ARHGAP15: variants seen among roughly 807,000 people sequenced by gnomAD.
ARHGAP15 encodes the protein Rho GTPase activating protein 15.
Under a neutral mutation model 63.7 loss-of-function variants are expected in ARHGAP15, and 51 were observed. The observed-to-expected ratio is 0.80, with a 90% CI of 0.64 to 1.01. ARHGAP15 has a LOEUF of 1.01. Ranked by LOEUF, ARHGAP15 falls within the 50% of genes least tolerant of loss-of-function variation. The probability of loss-of-function intolerance (pLI) is 0.00; values close to 1 mark genes in which losing one functional copy is unlikely to be tolerated. For synonymous variants in ARHGAP15, 191 were observed against 193.8 expected (o/e 0.99, Z 0.12); for missense variants, 560 against 564.6 (o/e 0.99, Z 0.08).
At chr2:143,251,859 T>C (rs926549434) in intron 6 of ARHGAP15, among the ~76,000 whole-genome samples, 7 of 152,024 alleles carry the variant, frequency 4.6e-5, no homozygotes, top group Non-Finnish European at 1.0e-4. Context: ...ATAAACTTTC[T>C]TTCAAAGGGA....
chr2:143,249,425 A>G (rs1303225413), intron 5 of ARHGAP15, among the ~76,000 whole-genome samples: 2 of 152,154 alleles, frequency 1.3e-5, no homozygotes, highest in Non-Finnish European at 2.9e-5. Context: ...TTTTTAAAAC[A>G]TATTTACCAT....
chr2:143,533,935 A>G (rs1205248573), intron 10 of ARHGAP15, among the ~76,000 whole-genome samples: 1 of 152,224 alleles, frequency 6.6e-6, no homozygotes, highest in Non-Finnish European at 1.5e-5. Flanking sequence ...AATAAGCCTT[A>G]GGTTGTTACT....
At position 143,274,446 on chromosome 2, in the gene ARHGAP15, G is replaced by A. The variant is rs142233919; in HGVS notation, c.474+23846G>A. 3.0e-3 allele frequency among the ~76,000 whole-genome samples: 461 copies of A among 152,310 alleles called. 2 individuals carry two copies. The highest frequency in any genetic ancestry group is 0.017 in the Middle Eastern group (5 of 294). ...TTGCAAGTTTGGAAATGCAGAAACA[G>A]TTCAAGAAATTGATTCTATTTGTTC... On this transcript the variant is annotated intron_variant, in intron 6 of 13. Coordinates refer to ENST00000295095, the MANE Select transcript of ARHGAP15 (RefSeq NM_018460.4).
At chr2:143,614,953 G>A (rs929937061) in intron 11 of ARHGAP15, among the ~76,000 whole-genome samples, 18 of 152,304 alleles carry the variant, frequency 1.2e-4, no homozygotes, top group African/African-American at 4.1e-4. Flanking sequence ...TTGTTCAGTA[G>A]TTTCAACAAG....
chr2:143,252,892 A>G (rs1680228327), intron 6 of ARHGAP15, among the ~76,000 whole-genome samples: 1 of 152,094 alleles, frequency 6.6e-6, no homozygotes, highest in Non-Finnish European at 1.5e-5. Context: ...GAACTCTCAA[A>G]TGATCAGAAT....
chr2:143,200,274 A>T lies in ARHGAP15; in HGVS notation c.166-1860A>T, dbSNP rs77953451. Among the ~76,000 whole-genome samples the T allele has an allele frequency of 8.6e-3, 1,313 of 152,142 alleles. 23 individuals carry two copies. Among genetic ancestry groups the T allele is most frequent in the African/African-American group, 0.03 (1,245 of 41,518 alleles). On this transcript the variant is annotated intron_variant, in intron 2 of 13. Coordinates refer to ENST00000295095, the MANE Select transcript of ARHGAP15 (RefSeq NM_018460.4). ...TGTGAAGCGAACATTGGGGAAAATT[A>T]TCTCCTTGGATTTTTACTTTCTTCA...
chr2:143,392,199 T>C (rs776401022), intron 6 of ARHGAP15, among the ~76,000 whole-genome samples: 1 of 152,200 alleles, frequency 6.6e-6, no homozygotes, highest in Non-Finnish European at 1.5e-5. Context: ...TCCAAATACT[T>C]ACTACTTTTA....
intron 6 of ARHGAP15, among the ~76,000 whole-genome samples, chr2:143,354,685 T>C (rs1685732201): frequency 6.6e-6 from 1 of 152,166 alleles, no homozygotes; most frequent in Non-Finnish European, 1.5e-5. Flanking sequence ...GAATAATATA[T>C]TAATATAATA....
chr2:143,524,638 G>T (rs532006376), intron 10 of ARHGAP15, among the ~76,000 whole-genome samples: 20 of 152,146 alleles, frequency 1.3e-4, no homozygotes, highest in Non-Finnish European at 2.4e-4. Flanking sequence ...GTTAGGAGAA[G>T]TTTGAGAGAA....
intron 6 of ARHGAP15, among the ~76,000 whole-genome samples, chr2:143,364,502 TTATAA>T (rs1021143394): frequency 1.4e-4 from 21 of 152,162 alleles, no homozygotes; most frequent in African/African-American, 4.8e-4. Flanking sequence ...AGCATGATAC[TTATAA>T]TATGTGCTAG....
At chr2:143,464,941 TAAC>T (rs1691130014) in intron 8 of ARHGAP15, among the ~76,000 whole-genome samples, 1 of 152,200 alleles carries the variant, frequency 6.6e-6, no homozygotes, top group South Asian at 2.1e-4. Flanking sequence ...ATATTTATTA[TAAC>T]AAGTTTTATT....
intron 2 of ARHGAP15, among the ~76,000 whole-genome samples, chr2:143,200,218 G>C (rs1462122888): frequency 6.6e-6 from 1 of 152,080 alleles, no homozygotes; most frequent in African/African-American, 2.4e-5. Flanking sequence ...TCTGGAGTCT[G>C]TTCCTTCTCA....
chr2:143,500,926 G>T (rs1446357176), intron 9 of ARHGAP15, among the ~76,000 whole-genome samples: 5 of 152,194 alleles, frequency 3.3e-5, no homozygotes, highest in Non-Finnish European at 7.4e-5. Context: ...ACAGGAGGGA[G>T]ATTTTAGAAG....
intron 8 of ARHGAP15, among the ~76,000 whole-genome samples, chr2:143,464,203 G>A (rs1031294124): frequency 1.3e-5 from 2 of 152,120 alleles, no homozygotes; most frequent in African/African-American, 4.8e-5. Flanking sequence ...AACTTCTAGA[G>A]TCTCGGAAAA....
intron 6 of ARHGAP15, among the ~76,000 whole-genome samples, chr2:143,311,621 T>C (rs1210362335): frequency 6.6e-6 from 1 of 152,064 alleles, no homozygotes. Flanking sequence ...GTTTTTTAAA[T>C]GTGCAAGGAA....
intron 6 of ARHGAP15, among the ~76,000 whole-genome samples, chr2:143,362,271 G>A (rs1051480769): frequency 5.3e-5 from 8 of 152,112 alleles, no homozygotes; most frequent in African/African-American, 1.9e-4. Flanking sequence ...TCAGGTTCAG[G>A]GGCCAGGTTA....
intron 11 of ARHGAP15, among the ~76,000 whole-genome samples, chr2:143,582,394 C>A (rs1370965111): frequency 6.6e-6 from 1 of 152,142 alleles, no homozygotes; most frequent in African/African-American, 2.4e-5. Context: ...CCCATGGTTT[C>A]ATTTCCAAAC....
At chr2:143,452,850 T>G (rs1349844090) in intron 8 of ARHGAP15, among the ~76,000 whole-genome samples, 1 of 151,948 alleles carries the variant, frequency 6.6e-6, no homozygotes, top group East Asian at 1.9e-4. Context: ...TAGAAAATAT[T>G]GGGATGATAT....
intron 12 of ARHGAP15, among the ~76,000 whole-genome samples, chr2:143,628,711 C>G (rs1251168783): frequency 6.6e-6 from 1 of 152,176 alleles, no homozygotes; most frequent in Non-Finnish European, 1.5e-5. Context: ...GGTTACTCCA[C>G]TCTTCCTTAT....
Sources: allele counts gnomAD v4.1 joint callset (sites outside exome capture counted in the v4.1 genomes callset), GRCh38; gene constraint gnomAD v4.1.1; transcripts MANE v1.5; gene names NCBI Gene and HGNC (gene_info 2026-07-23, HGNC 2026-07-21).